The following ITPR1 variants were observed in gnomAD, a reference collection of about 807,000 sequenced individuals.
ITPR1 encodes the protein inositol 1,4,5-trisphosphate receptor type 1.
In ITPR1, 96 loss-of-function variants were observed where a neutral mutation model predicts 318.4. The observed-to-expected ratio is 0.30, with a 90% CI of 0.26 to 0.36. The LOEUF is 0.36. ITPR1 is among the 10% of genes least tolerant of loss of function. The probability of loss-of-function intolerance (pLI) is 1.00; values close to 1 mark genes in which losing one functional copy is unlikely to be tolerated. For synonymous variants in ITPR1, 1,312 were observed against 1,289.9 expected (o/e 1.02, Z -0.37); for missense variants, 2,440 against 3,460.2 (o/e 0.71, Z 7.40).
At chr3:4,817,760 A>G (rs927399742) in intron 59 of ITPR1, among the ~76,000 whole-genome samples, 25 of 152,214 alleles carry the variant, frequency 1.6e-4, no homozygotes, top group Admixed American at 1.4e-3. Context: ...TGTCACACAC[A>G]TTCTCATTTT....
chr3:4,495,891 C>T (rs1300771156), intron 2 of ITPR1, among the ~76,000 whole-genome samples: 1 of 152,136 alleles, frequency 6.6e-6, no homozygotes, highest in Non-Finnish European at 1.5e-5. Flanking sequence ...CTTACTGCTA[C>T]TGATGAAATA....
intron 14 of ITPR1, 79 bp downstream of exon 14, chr3:4,661,166 G>A: frequency 6.4e-6 from 5 of 777,556 alleles, no homozygotes; most frequent in Non-Finnish European, 8.7e-6. Flanking sequence ...AGATCAGGGA[G>A]TATGGAGCGT....
chr3:4,716,928 C>T (rs975811218), intron 39 of ITPR1, among the ~76,000 whole-genome samples: 1 of 152,150 alleles, frequency 6.6e-6, no homozygotes, highest in Non-Finnish European at 1.5e-5. Context: ...CTTCTGACCC[C>T]CGACTGAGTC....
chr3:4,789,109 C>G (rs1308948173), intron 52 of ITPR1, among the ~76,000 whole-genome samples: 1 of 152,200 alleles, frequency 6.6e-6, no homozygotes, highest in African/African-American at 2.4e-5. Context: ...AGGTCCCATT[C>G]CCACCTCACT....
chr3:4,834,431 G>T (rs61611742), intron 60 of ITPR1, among the ~76,000 whole-genome samples: 48,408 of 151,920 alleles, frequency 0.32, 8,045 homozygotes, highest in Middle Eastern at 0.47. Flanking sequence ...TGCAAAAATA[G>T]GTAGCAGCCA....
intron 4 of ITPR1, among the ~76,000 whole-genome samples, chr3:4,624,334 TAAGG>T (rs1377174550): frequency 6.6e-6 from 1 of 152,220 alleles, no homozygotes; most frequent in Non-Finnish European, 1.5e-5. Flanking sequence ...ATGTGGTCAT[TAAGG>T]AAGCCATTCT....
intron 47 of ITPR1, among the ~76,000 whole-genome samples, chr3:4,775,765 C>T (rs2046445997): frequency 6.6e-6 from 1 of 152,210 alleles, no homozygotes; most frequent in African/African-American, 2.4e-5. Context: ...AACCAAAAGA[C>T]AGTGACCTAT....
At chr3:4,648,439 A>G (rs2125165244) in intron 10 of ITPR1, among the ~76,000 whole-genome samples, 1 of 152,324 alleles carries the variant, frequency 6.6e-6, no homozygotes, top group African/African-American at 2.4e-5. Context: ...ACATCTATAA[A>G]AAGGTTCATT....
intron 5 of ITPR1, among the ~76,000 whole-genome samples, chr3:4,637,686 A>G (rs1464621056): frequency 1.3e-5 from 2 of 152,318 alleles, no homozygotes; most frequent in Non-Finnish European, 1.5e-5. Context: ...GCAGTGATCT[A>G]TGCTAACCTG....
chr3:4,811,443 A>G lies in ITPR1; in HGVS notation c.7451A>G (p.Asn2484Ser), dbSNP rs1299018042. The G allele has an allele frequency of 3.1e-6, 5 of 1,613,676 alleles. No individual in the cohort carries two copies. The highest frequency in any genetic ancestry group is 2.2e-5 in the East Asian group (1 of 44,882). Reference sequence around the variant, plus strand: ...ATCTTGGAAGTAGATAGGCTGCCCAATGAAACAGCTGTTCCAGGTGGGTTT... The same window carrying G: ...ATCTTGGAAGTAGATAGGCTGCCCAGTGAAACAGCTGTTCCAGGTGGGTTT... ...DFILEVDRLP[N>S]ETAVPETGES... The change falls in exon 56 of 62, where the codon AAT (asparagine) becomes AGT (serine). Residue 2484 changes from asparagine to serine, a missense_variant. Transcript: ENST00000649015.
intron 10 of ITPR1, 115 bp downstream of exon 10, chr3:4,645,843 T>C: frequency 1.2e-6 from 1 of 856,590 alleles, no homozygotes; most frequent in Non-Finnish European, 1.9e-6. Flanking sequence ...TATGTGTCTA[T>C]ACACCCACAT....
At chr3:4,655,707 C>T (rs952921819) in intron 12 of ITPR1, among the ~76,000 whole-genome samples, 13 of 152,140 alleles carry the variant, frequency 8.5e-5, no homozygotes, top group African/African-American at 2.7e-4. Context: ...GGTCTTTTGA[C>T]GTTTTCGTGC....
At chr3:4,621,140 CG>C (rs2092614451) in intron 4 of ITPR1, among the ~76,000 whole-genome samples, 1 of 152,008 alleles carries the variant, frequency 6.6e-6, no homozygotes, top group Admixed American at 6.6e-5. Context: ...ACTGTATTAG[CG>C]TAATGTTGTC....
At chr3:4,502,748 CT>C (rs1264158053) in intron 2 of ITPR1, among the ~76,000 whole-genome samples, 1 of 151,990 alleles carries the variant, frequency 6.6e-6, no homozygotes, top group African/African-American at 2.4e-5. Flanking sequence ...CCCTGTACCC[CT>C]CTCCTGATTA....
chr3:4,652,859 A>G (rs2093626717), intron 11 of ITPR1, among the ~76,000 whole-genome samples: 4 of 152,198 alleles, frequency 2.6e-5, no homozygotes, highest in Admixed American at 2.6e-4. Flanking sequence ...GTGGTGGTGC[A>G]CGCCTGTAGT....
At chr3:4,508,930 G>C (rs1213268490) in intron 2 of ITPR1, among the ~76,000 whole-genome samples, 1 of 152,174 alleles carries the variant, frequency 6.6e-6, no homozygotes, top group African/African-American at 2.4e-5. Flanking sequence ...TGGGATCTTT[G>C]TTTCTCCAGA....
At chr3:4,621,491 A>G (rs577353817) in intron 4 of ITPR1, among the ~76,000 whole-genome samples, 62 of 152,320 alleles carry the variant, frequency 4.1e-4, no homozygotes, top group African/African-American at 1.5e-3. Flanking sequence ...ACTGGGGATT[A>G]CAATTCAACA....
chr3:4,774,817 G>C (rs753313967), intron 46 of ITPR1, among the ~76,000 whole-genome samples: 2 of 152,206 alleles, frequency 1.3e-5, no homozygotes, highest in African/African-American at 2.4e-5. Context: ...TGTCCCTAGT[G>C]CTGGGCTCCG....
At chr3:4,556,273 C>G (rs2086117688) in intron 4 of ITPR1, among the ~76,000 whole-genome samples, 1 of 152,116 alleles carries the variant, frequency 6.6e-6, no homozygotes, top group Non-Finnish European at 1.5e-5. Flanking sequence ...CAGGATGGTA[C>G]ATTTGTTACA....
Sources: allele counts gnomAD v4.1 joint callset (sites outside exome capture counted in the v4.1 genomes callset), GRCh38; gene constraint gnomAD v4.1.1; transcripts MANE v1.5; gene names NCBI Gene and HGNC (gene_info 2026-07-23, HGNC 2026-07-21).